The following GRID2 variants were observed in gnomAD, a reference collection of about 807,000 sequenced individuals.
GRID2 encodes glutamate receptor ionotropic, delta-2.
Under a neutral mutation model 114.8 loss-of-function variants are expected in GRID2, and 33 were observed. The ratio of observed to expected loss-of-function variants is 0.29; its 90% CI spans 0.22 to 0.38. GRID2 has a LOEUF of 0.38. Among genes scored for constraint, GRID2 ranks in the 10% least tolerant of loss-of-function variants. The pLI is 1.00. For missense variants in GRID2, 1,184 were observed against 1,257.7 expected, an observed-to-expected ratio of 0.94 and a Z score of 0.89; for synonymous variants, 505 against 449.9, an observed-to-expected ratio of 1.12 and a Z score of -1.55.
At chr4:93,499,117 T>C (rs1319423097) in intron 12 of GRID2, among the ~76,000 whole-genome samples, 1 of 151,896 alleles carries the variant, frequency 6.6e-6, no homozygotes, top group Non-Finnish European at 1.5e-5. Context: ...AGGTAGAGGC[T>C]AACTATATTC....
intron 4 of GRID2, among the ~76,000 whole-genome samples, chr4:93,145,882 ACAC>A (rs780927212): frequency 1.3e-5 from 2 of 151,186 alleles, no homozygotes; most frequent in African/African-American, 2.4e-5. Flanking sequence ...ACACACACAC[ACAC>A]ACTTTATAGT....
At chr4:92,406,261 CAATT>C (rs1371486557) in intron 1 of GRID2, among the ~76,000 whole-genome samples, 1 of 152,146 alleles carries the variant, frequency 6.6e-6, no homozygotes. Flanking sequence ...CATCACAATA[CAATT>C]AATAAAACTA....
rs114365343 is a variant in GRID2 at position 93,144,106 on chromosome 4, G to C, written c.735+33153G>C. On this transcript the variant is annotated intron_variant, in intron 4 of 15. Transcript: ENST00000282020. ...GGGCCGCACCCCAGTTTCTCATTCAGTCATGCCAGATAATTTACATTTCTA... is the reference window on the plus strand; with the variant it reads ...GGGCCGCACCCCAGTTTCTCATTCACTCATGCCAGATAATTTACATTTCTA... Among the ~76,000 whole-genome samples the C allele has an allele frequency of 2.2e-3, 328 of 152,226 alleles. 3 individuals carry two copies. Among genetic ancestry groups the C allele is most frequent in the African/African-American group, 7.1e-3 (296 of 41,544 alleles).
At chr4:93,106,756 T>G (rs1732276253) in intron 3 of GRID2, among the ~76,000 whole-genome samples, 1 of 152,194 alleles carries the variant, frequency 6.6e-6, no homozygotes, top group African/African-American at 2.4e-5. Flanking sequence ...CAAAACTATT[T>G]ATGCTTAACT....
chr4:93,051,853 C>T (rs574107876), intron 2 of GRID2, among the ~76,000 whole-genome samples: 2 of 151,698 alleles, frequency 1.3e-5, no homozygotes, highest in Non-Finnish European at 2.9e-5. Context: ...CTTTTTTTCC[C>T]GAGTTTTCTT....
intron 4 of GRID2, among the ~76,000 whole-genome samples, chr4:93,127,536 C>T (rs956448299): frequency 1.3e-5 from 2 of 152,172 alleles, no homozygotes; most frequent in African/African-American, 4.8e-5. Flanking sequence ...CCAGACACTG[C>T]TGTATGTGTA....
intron 2 of GRID2, among the ~76,000 whole-genome samples, chr4:92,687,675 A>G (rs1733978366): frequency 2.0e-5 from 3 of 152,008 alleles, no homozygotes; most frequent in African/African-American, 7.3e-5. Context: ...TAAAAATACA[A>G]AAAATTAGCT....
chr4:93,436,843 G>A lies in GRID2; in HGVS notation c.1545+13875G>A, dbSNP rs529089202. Among the ~76,000 whole-genome samples the A allele has an allele frequency of 3.4e-3, 519 of 152,198 alleles. 6 individuals carry two copies. Among genetic ancestry groups the A allele is most frequent in the African/African-American group, 0.012 (493 of 41,552 alleles). On this transcript the variant is annotated intron_variant, in intron 10 of 15. Coordinates refer to ENST00000282020, the MANE Select transcript of GRID2 (RefSeq NM_001510.4). ...AGATATGAACTTAGAGTTTCAAAAG[G>A]AGAAACTAGTAGGCAGTATAAATCC...
chr4:92,515,226 G>T (rs1417126481), intron 1 of GRID2, among the ~76,000 whole-genome samples: 2 of 151,706 alleles, frequency 1.3e-5, no homozygotes, highest in Non-Finnish European at 2.9e-5. Flanking sequence ...AAATTCTGTT[G>T]TTCACCATTT....
At chr4:92,513,487 C>A (rs193053938) in intron 1 of GRID2, among the ~76,000 whole-genome samples, 17 of 151,968 alleles carry the variant, frequency 1.1e-4, no homozygotes, top group Admixed American at 3.3e-4. Context: ...AAAATAATTC[C>A]TCCTCTTTGC....
intron 2 of GRID2, among the ~76,000 whole-genome samples, chr4:92,732,362 T>C (rs1736368518): frequency 6.6e-6 from 1 of 152,082 alleles, no homozygotes; most frequent in Non-Finnish European, 1.5e-5. Flanking sequence ...TTAATTTCTC[T>C]ACAAATCTTT....
intron 2 of GRID2, among the ~76,000 whole-genome samples, chr4:92,819,883 T>A (rs1003799962): frequency 6.6e-6 from 1 of 152,148 alleles, no homozygotes; most frequent in Non-Finnish European, 1.5e-5. Flanking sequence ...GATAAAAGTC[T>A]GTCTTGTTTT....
intron 2 of GRID2, among the ~76,000 whole-genome samples, chr4:92,595,684 T>C (rs2149215318): frequency 6.6e-6 from 1 of 152,238 alleles, no homozygotes; most frequent in East Asian, 1.9e-4. Flanking sequence ...CATTTTTGGT[T>C]TATGTTACCA....
chr4:92,942,392 T>C (rs1220691350), intron 2 of GRID2, among the ~76,000 whole-genome samples: 4 of 152,064 alleles, frequency 2.6e-5, no homozygotes, highest in African/African-American at 2.4e-5. Flanking sequence ...GGATTGCAAC[T>C]CCTGCCTTTT....
At chr4:93,794,026 A>C (rs1373574550) in intron 1 of GRID2, among the ~76,000 whole-genome samples, 8 of 113,982 alleles carry the variant, frequency 7.0e-5, no homozygotes, top group African/African-American at 1.2e-4. Flanking sequence ...CCATCTGCAG[A>C]AAAAAAAAAA....
intron 14 of GRID2, among the ~76,000 whole-genome samples, chr4:93,755,820 C>G (rs1286823656): frequency 6.6e-6 from 1 of 152,182 alleles, no homozygotes; most frequent in African/African-American, 2.4e-5. Flanking sequence ...TTTGCCACAT[C>G]AAGTTATCAT....
intron 14 of GRID2, among the ~76,000 whole-genome samples, chr4:93,725,361 A>G (rs1729770513): frequency 6.6e-6 from 1 of 152,040 alleles, no homozygotes; most frequent in South Asian, 2.1e-4. Context: ...TATGTGCCAC[A>G]TTTTCTTAAT....
intron 4 of GRID2, among the ~76,000 whole-genome samples, chr4:93,154,235 T>A (rs901299242): frequency 1.3e-5 from 2 of 152,050 alleles, no homozygotes; most frequent in Non-Finnish European, 2.9e-5. Flanking sequence ...GTTGTTAAAG[T>A]ATTGAAATAT....
chr4:93,746,182 T>C lies in GRID2; in HGVS notation c.2361-23028T>C, dbSNP rs1027744892. ...TTCATGTGTCATAAAAATTATTTTG[T>C]GGTAGAAAGGCTAAGTCACTAAATA... On this transcript the variant is annotated intron_variant, in intron 14 of 15. Transcript: ENST00000282020. Among the ~76,000 whole-genome samples the C allele has an allele frequency of 2.6e-5, 4 of 152,258 alleles. No individual in the cohort carries two copies. In the South Asian group the frequency reaches 6.2e-4, roughly 24 times the overall value.
Sources: gnomAD v4.1 joint callset for allele counts (sites outside exome capture counted in the v4.1 genomes callset) on GRCh38, gnomAD v4.1.1 for gene constraint, MANE v1.5 for transcripts, NCBI Gene and HGNC (gene_info 2026-07-23, HGNC 2026-07-21) for gene names.